The following PIEZO2 variants were observed in gnomAD, a reference collection of about 807,000 sequenced individuals.
The protein encoded by PIEZO2 is piezo-type mechanosensitive ion channel component 2.
A neutral mutation model predicts 337.3 loss-of-function variants in PIEZO2; 172 were observed. The ratio of observed to expected loss-of-function variants is 0.51; its 90% CI spans 0.45 to 0.58. PIEZO2 has a LOEUF of 0.58. PIEZO2 is among the 20% of genes least tolerant of loss of function. The pLI is 0.00. For synonymous variants in PIEZO2, 1,251 were observed against 1,228.5 expected, an observed-to-expected ratio of 1.02 and a Z score of -0.38; for missense variants, 3,028 against 3,391.3, an observed-to-expected ratio of 0.89 and a Z score of 2.66.
chr18:10,898,740 G>C (rs1289836773), intron 4 of PIEZO2, among the ~76,000 whole-genome samples: 2 of 152,188 alleles, frequency 1.3e-5, no homozygotes, highest in Non-Finnish European at 2.9e-5. Context: ...GCCTATGCCT[G>C]AGTAAGTATA....
chr18:10,977,588 A>G (rs1223008170), intron 3 of PIEZO2, among the ~76,000 whole-genome samples: 7 of 151,936 alleles, frequency 4.6e-5, no homozygotes, highest in Non-Finnish European at 1.0e-4. Flanking sequence ...AACCTGGTGA[A>G]ATATAATAAA....
At chr18:10,765,356 C>T (rs145620432) in intron 21 of PIEZO2, among the ~76,000 whole-genome samples, 5 of 152,220 alleles carry the variant, frequency 3.3e-5, no homozygotes, top group Non-Finnish European at 5.9e-5. Flanking sequence ...ACCCATCCAG[C>T]GTCTTAGAGT....
chr18:10,774,108 A>C, intron 18 of PIEZO2, 70 bp from the exon 19 acceptor site: 1 of 699,648 alleles, frequency 1.4e-6, no homozygotes, highest in Admixed American at 2.0e-5. Flanking sequence ...GGAATGTCAG[A>C]GATCACATAT....
At chr18:10,978,668 A>C (rs1279604895) in intron 3 of PIEZO2, among the ~76,000 whole-genome samples, 1 of 152,200 alleles carries the variant, frequency 6.6e-6, no homozygotes, top group Non-Finnish European at 1.5e-5. Context: ...TTTACTTTAC[A>C]GGGAAAAGCA....
rs530168847 is a variant in PIEZO2, at chr18:11,001,769, T to A, written c.161-22109A>T. On this transcript the variant is annotated intron_variant, in intron 2 of 55. Coordinates refer to ENST00000674853, the MANE Select transcript of PIEZO2 (RefSeq NM_001378183.1). The surrounding 1 kb of genome is among the most constrained non-coding windows in gnomAD (Gnocchi z 5.3). ...GGCTCACACCTGTAACCCCAGCCAC[T>A]CGGGAGGCTGAGGCATGAGAATAGC... Among the ~76,000 whole-genome samples the A allele has an allele frequency of 6.6e-6, 1 of 151,990 alleles. No homozygotes were observed. Among genetic ancestry groups the A allele is most frequent in the African/African-American group, 2.4e-5 (1 of 41,434 alleles).
intron 7 of PIEZO2, among the ~76,000 whole-genome samples, chr18:10,807,517 A>G (rs533729096): frequency 2.0e-5 from 3 of 152,352 alleles, no homozygotes; most frequent in Admixed American, 2.0e-4. Flanking sequence ...TATAAAATTG[A>G]CATCAACATT....
chr18:10,706,844 A>G (rs1397691042), intron 40 of PIEZO2, among the ~76,000 whole-genome samples: 3 of 152,138 alleles, frequency 2.0e-5, no homozygotes, highest in African/African-American at 7.2e-5. Flanking sequence ...AGACTCTGAA[A>G]TACGTACTCT....
Position 10,726,555 on chromosome 18 carries a change from C to G in PIEZO2, c.5029+4852G>C, listed in dbSNP as rs2036551327. 1 of 1,408,214 alleles carries G rather than the reference C, an allele frequency of 7.1e-7. No homozygotes were observed. The highest frequency in any genetic ancestry group is 1.4e-5 in the South Asian group (1 of 69,942). 87.2% of individuals were successfully genotyped at this position (1,408,214 alleles called of 1,614,324 possible). ...CTCTGCTCTGCTACACCAGCCGCCA[C>G]GCTGTGCGTCTGTCCTTCCGCCAGC... On this transcript the variant is annotated intron_variant, in intron 36 of 55. Transcript: ENST00000674853. The surrounding 1 kb of genome is among the most constrained non-coding windows in gnomAD (Gnocchi z 5.9).
intron 7 of PIEZO2, among the ~76,000 whole-genome samples, chr18:10,832,949 C>T (rs943599524): frequency 1.4e-4 from 21 of 152,224 alleles, no homozygotes; most frequent in African/African-American, 5.1e-4. Flanking sequence ...CACGTTTCCG[C>T]CTCCCTGCCT....
At chr18:11,010,245 G>T (rs554398648) in intron 2 of PIEZO2, among the ~76,000 whole-genome samples, 4 of 152,166 alleles carry the variant, frequency 2.6e-5, no homozygotes, top group Non-Finnish European at 5.9e-5. Flanking sequence ...ACATAAACCA[G>T]AGGGAAATTA....
At chr18:10,923,216 T>A (rs1175325253) in intron 3 of PIEZO2, among the ~76,000 whole-genome samples, 3 of 152,156 alleles carry the variant, frequency 2.0e-5, no homozygotes, top group Non-Finnish European at 4.4e-5. Flanking sequence ...CTATAATGGA[T>A]CAGTTCTCTG....
In PIEZO2 at chr18:10,684,380, T is replaced by A. The variant is rs375534383; in HGVS notation, c.7498-2088A>T. 4.0e-5 allele frequency among the ~76,000 whole-genome samples: 6 copies of A among 150,618 alleles called. 1 individual carries two copies. The East Asian group carries it at 9.8e-4, about 25-fold the overall frequency. On this transcript the variant is annotated intron_variant, in intron 49 of 55. Transcript: ENST00000674853. ...CAGGGTTTCACCATGTTAGCCAGGG[T>A]GGTCTCAATCTCCTGGCCTCGTGAT...
intron 7 of PIEZO2, among the ~76,000 whole-genome samples, chr18:10,849,807 T>A (rs2041486364): frequency 6.6e-6 from 1 of 152,208 alleles, no homozygotes. Flanking sequence ...GCAAATTTTG[T>A]TTAGTTCACC....
At chr18:10,898,562 T>A (rs911447496) in intron 4 of PIEZO2, among the ~76,000 whole-genome samples, 2 of 151,970 alleles carry the variant, frequency 1.3e-5, no homozygotes, top group African/African-American at 4.8e-5. Flanking sequence ...GAATATTAGG[T>A]TGGGGAGTTA....
rs1471315693 is a variant in PIEZO2 at position 10,789,246 on chromosome 18, C to T, written c.2002G>A (p.Glu668Lys). 9.1e-6 allele frequency: 14 copies of T among 1,537,344 alleles called. No homozygotes were observed. The highest frequency in any genetic ancestry group is 1.7e-4 in the Middle Eastern group (1 of 5,992). Reference protein sequence around the residue: ...VEQEEAEEEDEQDIMKVLGNL... With the variant: ...VEQEEAEEEDKQDIMKVLGNL... The stretch of plus-strand genomic sequence containing the variant: ...CCCAGGACTTTCATGATGTCCTGCT[C>T]ATCTTCTTCTTCAGCTTCCTCTTGC... Residue 668 changes from glutamate (E) to lysine (K), a missense_variant, in exon 15 of 56, where the codon GAG becomes AAG. Coordinates refer to ENST00000674853, the MANE Select transcript of PIEZO2 (RefSeq NM_001378183.1).
intron 5 of PIEZO2, among the ~76,000 whole-genome samples, chr18:10,864,515 G>A (rs2041956643): frequency 6.6e-6 from 1 of 152,170 alleles, no homozygotes. Context: ...AAGGACAAAA[G>A]TCTTGGCAAG....
At chr18:10,987,426 T>C (rs1270973729) in intron 2 of PIEZO2, among the ~76,000 whole-genome samples, 4 of 152,134 alleles carry the variant, frequency 2.6e-5, no homozygotes, top group African/African-American at 9.7e-5. Context: ...CCATCTCATT[T>C]TTGACAAGGG....
chr18:10,918,500 ATTATG>A (rs2031170890), intron 3 of PIEZO2, among the ~76,000 whole-genome samples: 1 of 152,008 alleles, frequency 6.6e-6, no homozygotes, highest in Non-Finnish European at 1.5e-5. Context: ...ATTTTGTCAT[ATTATG>A]TGAAGGGTGG....
intron 2 of PIEZO2, among the ~76,000 whole-genome samples, chr18:11,011,886 T>A (rs1261261372): frequency 6.6e-6 from 1 of 152,160 alleles, no homozygotes; most frequent in African/African-American, 2.4e-5. Flanking sequence ...GAGGCCAAGG[T>A]GGGAGGATCA....
Sources: gnomAD v4.1 joint callset for allele counts (sites outside exome capture counted in the v4.1 genomes callset) on GRCh38, gnomAD v4.1.1 for gene constraint, Gnocchi (gnomAD v3.1) non-coding constraint, MANE v1.5 for transcripts, NCBI Gene and HGNC (gene_info 2026-07-23, HGNC 2026-07-21) for gene names.